The following NEB variants were observed in gnomAD, a reference collection of about 807,000 sequenced individuals.
The protein encoded by NEB is nebulin.
Under a neutral mutation model 952.2 loss-of-function variants are expected in NEB, and 512 were observed. The observed-to-expected ratio is 0.54, with a 90% CI of 0.50 to 0.58. The LOEUF is 0.58. NEB is among the 20% of genes least tolerant of loss of function. The pLI, the probability that NEB is intolerant of heterozygous loss-of-function variation, is 0.00. For missense variants in NEB, 8,428 were observed against 9,231.1 expected (o/e 0.91, Z 3.56); for synonymous variants, 2,900 against 3,149.8 (o/e 0.92, Z 2.66).
chr2:151,672,490 G>A lies in NEB; in HGVS notation c.4178C>T (p.Ala1393Val), dbSNP rs1323485455. The change falls in exon 37 of 182, where the codon GCA becomes GTA. Residue 1393 changes from alanine to valine, a missense_variant. Coordinates refer to ENST00000397345, the MANE Select transcript of NEB (RefSeq NM_001164508.2). ...GGTAGCGACATCCTGGGCCATCTTT[G>A]CAGCTGTGATGCTAACCATGTCCCC... ...TPGDMVSITA[A>V]KMAQDVATNV... 1 of 1,613,980 alleles carries A rather than the reference G, an allele frequency of 6.2e-7. No homozygotes were observed. The highest frequency in any genetic ancestry group is 8.5e-7 in the Non-Finnish European group (1 of 1,179,888).
rs759568485 is a variant in NEB at position 151,496,317 on chromosome 2, C to T, written c.24445G>A (p.Glu8149Lys). ...TGATTGTGTTTGACTCGCTCCATCT[C>T]GGGAGTGACAGCTAAAGGAGTTCCC... The part of the protein sequence containing the change: ...GKGTPLAVTP[E>K]MERVKHNQEN... Residue 8149 changes from glutamate to lysine, a missense_variant, in exon 173 of 182, where the codon GAG becomes AAG. Transcript: ENST00000397345. 1.5e-5 allele frequency: 24 copies of T among 1,612,122 alleles called. No homozygotes were observed. The highest frequency in any genetic ancestry group is 2.0e-5 in the Non-Finnish European group (23 of 1,179,084).
intron 81 of NEB, among the ~76,000 whole-genome samples, chr2:151,608,905 CAAAAAA>C (rs1163520121): frequency 2.9e-5 from 1 of 34,422 alleles, no homozygotes; most frequent in Non-Finnish European, 5.3e-5. Context: ...CTCCGTCTCA[CAAAAAA>C]AAAAAAAAAA....
intron 13 of NEB, among the ~76,000 whole-genome samples, chr2:151,701,605 T>C (rs867817722): frequency 0.024 from 3,718 of 151,780 alleles, 180 homozygotes; most frequent in African/African-American, 0.086. Flanking sequence ...AGATTGTATG[T>C]GTCGAGGAAT....
At chr2:151,708,720 G>C (rs148426626) in intron 12 of NEB, among the ~76,000 whole-genome samples, 183 of 152,246 alleles carry the variant, frequency 1.2e-3, no homozygotes, top group African/African-American at 4.0e-3. Flanking sequence ...ATGTCTAAAA[G>C]GCATCTCAAA....
chr2:151,686,603 A>C (rs886751178), intron 27 of NEB, among the ~76,000 whole-genome samples: 6 of 152,228 alleles, frequency 3.9e-5, no homozygotes, highest in African/African-American at 1.4e-4. Flanking sequence ...GAATAGATGC[A>C]AAATGAATTA....
At chr2:151,712,308 T>C (rs1472527911) in intron 10 of NEB, among the ~76,000 whole-genome samples, 4 of 152,176 alleles carry the variant, frequency 2.6e-5, no homozygotes, top group Non-Finnish European at 5.9e-5. Flanking sequence ...CTTAATGAGG[T>C]CTAAATGTTG....
intron 70 of NEB, among the ~76,000 whole-genome samples, chr2:151,626,308 T>A (rs1347327627): frequency 6.6e-6 from 1 of 151,838 alleles, no homozygotes; most frequent in East Asian, 1.9e-4. Flanking sequence ...AGAGACAGGG[T>A]TTCAACATGC....
At chr2:151,641,321 T>C (rs902348601) in intron 60 of NEB, among the ~76,000 whole-genome samples, 1 of 151,824 alleles carries the variant, frequency 6.6e-6, no homozygotes, top group Non-Finnish European at 1.5e-5. Context: ...CACATGACTG[T>C]TTTTTTTGTT....
intron 129 of NEB, among the ~76,000 whole-genome samples, chr2:151,550,287 A>C (rs993713238): frequency 5.2e-4 from 79 of 151,136 alleles, no homozygotes; most frequent in African/African-American, 1.9e-3. Context: ...AAAAAAAAAA[A>C]AAACACTAAT....
Position 151,672,360 on chromosome 2 carries a change from C to T in NEB, c.4299+9G>A, listed in dbSNP as rs746505680. 1.8e-5 allele frequency: 28 copies of T among 1,576,366 alleles called. No individual in the cohort carries two copies. Among genetic ancestry groups the T allele is most frequent in the Middle Eastern group, 3.4e-4 (2 of 5,920 alleles). Reference sequence around the variant, plus strand: ...AAACATCTCTGGGTCTGTTGTTACACATACTTACATCACTCTGAATTTGAT... The same window carrying T: ...AAACATCTCTGGGTCTGTTGTTACATATACTTACATCACTCTGAATTTGAT... On this transcript the variant is annotated intron_variant, in intron 37 of 181. Coordinates refer to ENST00000397345, the MANE Select transcript of NEB (RefSeq NM_001164508.2).
At chr2:151,552,222 T>G (rs1380424759) in intron 128 of NEB, among the ~76,000 whole-genome samples, 1 of 152,194 alleles carries the variant, frequency 6.6e-6, no homozygotes, top group Admixed American at 6.5e-5. Flanking sequence ...CGTCCCCATT[T>G]TATGCATCAG....
In NEB at chr2:151,631,185, T is replaced by G. The variant is rs779042130; in HGVS notation, c.9576A>C (p.Leu3192=). 6.2e-7 allele frequency: 1 copy of G among 1,613,944 alleles called. No homozygotes were observed. Among genetic ancestry groups the G allele is most frequent in the Non-Finnish European group, 8.5e-7 (1 of 1,179,832 alleles). The change falls in exon 66 of 182, where the codon CTA becomes CTC. Residue 3192 remains leucine (L), a synonymous_variant. Transcript: ENST00000397345. ...CATTGTTCTTGGCCAGCACCTGCTC[T>G]AGAGAATCAGTCACACTGGTAAATT... ...KLKFTSVTDS[L]EQVLAKNNAL... is the part of the protein sequence containing the mutation.
At chr2:151,551,404 C>A (rs1242485711) in intron 129 of NEB, among the ~76,000 whole-genome samples, 1 of 152,202 alleles carries the variant, frequency 6.6e-6, no homozygotes, top group Admixed American at 6.5e-5. Context: ...ATTCCAGCAA[C>A]AATTTCTAGT....
At chr2:151,578,789 A>T (rs1291097950) in intron 105 of NEB, among the ~76,000 whole-genome samples, 5 of 137,842 alleles carry the variant, frequency 3.6e-5, no homozygotes, top group African/African-American at 1.3e-4. Flanking sequence ...GAAGGAAGGA[A>T]GGGCGGGCAA....
intron 124 of NEB, among the ~76,000 whole-genome samples, chr2:151,558,923 TG>T (rs546435412): frequency 1.4e-3 from 215 of 151,986 alleles, no homozygotes; most frequent in Non-Finnish European, 2.6e-3. Flanking sequence ...CCAAAAGCAA[TG>T]GCAACAAAGG....
At position 151,694,314 on chromosome 2, in the gene NEB, G is replaced by C. The variant is rs1426573080; in HGVS notation, c.1896+9C>G. 6.2e-7 allele frequency: 1 copy of C among 1,609,416 alleles called. No homozygotes were observed. The highest frequency in any genetic ancestry group is 8.5e-7 in the Non-Finnish European group (1 of 1,175,950). ...TCTGAAAATAGGGGTGAATTACAAAGAAACTCACATCACTCTGGTTTTTGG... is the reference window on the plus strand; with the variant it reads ...TCTGAAAATAGGGGTGAATTACAAACAAACTCACATCACTCTGGTTTTTGG... On this transcript the variant is annotated intron_variant, in intron 20 of 181. Coordinates refer to ENST00000397345, the MANE Select transcript of NEB (RefSeq NM_001164508.2).
Position 151,680,804 on chromosome 2 carries a change from T to C in NEB, c.2968A>G (p.Thr990Ala), listed in dbSNP as rs1043417027. 6.8e-6 allele frequency: 11 copies of C among 1,613,196 alleles called. No individual in the cohort carries two copies. Among genetic ancestry groups the C allele is most frequent in the East Asian group, 4.5e-5 (2 of 44,826 alleles). Residue 990 changes from threonine to alanine, a missense_variant, in exon 30 of 182, where the codon ACC becomes GCC. Thr to Ala is a moderately conservative substitution (Grantham distance 58, BLOSUM62 0). Transcript: ENST00000397345. ...TCTTCAATCGAGGTAAACTTGAGGG[T>C]GTCTGGATGTTGGCGATATTTTTTC... ...NEKKYRQHPD[T>A]LKFTSIEDAP...
chr2:151,631,712 G>T (rs1011285278), intron 65 of NEB, among the ~76,000 whole-genome samples: 1 of 152,134 alleles, frequency 6.6e-6, no homozygotes, highest in Non-Finnish European at 1.5e-5. Flanking sequence ...ATTTTAGGCC[G>T]AGGCAAATGG....
In NEB at chr2:151,575,754, T is replaced by C. The variant is rs767425744; in HGVS notation, c.16954A>G (p.Ile5652Val). Residue 5652 changes from isoleucine (I) to valine (V), a missense_variant, in exon 107 of 182, where the codon ATA becomes GTA. Ile to Val is a conservative substitution (Grantham distance 29, BLOSUM62 3). Transcript: ENST00000397345. ...VWDKDKTSIH[I>V]MPDTPEINLA... ...TTAATTTCTGGAGTATCTGGCATTATGTGTATTGAAGTTTTATCCTTGTCC... is the reference window on the plus strand; with the variant it reads ...TTAATTTCTGGAGTATCTGGCATTACGTGTATTGAAGTTTTATCCTTGTCC... The C allele has an allele frequency of 4.0e-5, 64 of 1,611,296 alleles. 5 individuals carry two copies. The Admixed American group carries it at 5.0e-4, about 13-fold the overall frequency.
Sources: gnomAD v4.1 joint callset for allele counts (sites outside exome capture counted in the v4.1 genomes callset) on GRCh38, gnomAD v4.1.1 for gene constraint, MANE v1.5 for transcripts, NCBI Gene and HGNC (gene_info 2026-07-23, HGNC 2026-07-21) for gene names.